CD59: variants seen among roughly 807,000 people sequenced by gnomAD.
CD59 encodes CD59 glycoprotein.
Under a neutral mutation model 7.0 loss-of-function variants are expected in CD59, and 3 were observed. The observed-to-expected ratio is 0.43, with a 90% CI of 0.19 to 1.10. The LOEUF (loss-of-function observed/expected upper bound fraction) is 1.10, where lower values mean the gene tolerates loss of function less well. CD59 is among the 50% of genes least tolerant of loss of function. The pLI is 0.29. For missense variants in CD59, 143 were observed against 151.0 expected (o/e 0.95, Z 0.28); for synonymous variants, 60 against 62.0 (o/e 0.97, Z 0.15).
At position 33,707,397 on chromosome 11, in the gene CD59, T is replaced by G. The variant is rs1423085350; in HGVS notation, c.*2729A>C. 1 of 152,238 alleles carries G rather than the reference T, an allele frequency of 6.6e-6. No individual in the cohort carries two copies. The highest frequency in any genetic ancestry group is 1.5e-5 in the Non-Finnish European group (1 of 68,034). 9.4% of individuals were successfully genotyped at this position (152,238 alleles called of 1,614,324 possible). A position where few individuals can be genotyped will look rare whatever the true frequency, so the allele number is the denominator to read the frequency against. ...ACACAAGAAAAATATACCCATACCT[T>G]GAAGCCCCCAGTACATTCAAGACCA... On this transcript the variant is annotated 3_prime_UTR_variant, in exon 4 of 4. Transcript: ENST00000642928.
rs7046 is a variant in CD59, at chr11:33,705,434, A to C, written c.*4692T>G. On this transcript the variant is annotated 3_prime_UTR_variant, in exon 4 of 4. Coordinates refer to ENST00000642928, the MANE Select transcript of CD59 (RefSeq NM_000611.6). ...CGGTAGCCTCTTTGGTATGGCCACT[A>C]TGGTGGTAGACACTGTCTACCTTGT... 1 of 152,110 alleles carries C rather than the reference A, an allele frequency of 6.6e-6. No homozygotes were observed. Among genetic ancestry groups the C allele is most frequent in the Non-Finnish European group, 1.5e-5 (1 of 68,038 alleles). 9.4% of individuals were successfully genotyped at this position (152,110 alleles called of 1,614,324 possible).
chr11:33,735,672 C>CTT (rs1172551359), intron 1 of CD59, among the ~76,000 whole-genome samples: 1 of 152,164 alleles, frequency 6.6e-6, no homozygotes, highest in East Asian at 1.9e-4. Context: ...AATCCCAACA[C>CTT]TTTGGGAGGC....
intron 1 of CD59, among the ~76,000 whole-genome samples, chr11:33,732,349 A>T (rs1465244429): frequency 1.3e-5 from 2 of 152,040 alleles, no homozygotes; most frequent in African/African-American, 4.8e-5. Flanking sequence ...GAGCTTAGGA[A>T]ATCTGGTTGT....
intron 1 of CD59, among the ~76,000 whole-genome samples, chr11:33,726,023 G>A (rs531468970): frequency 2.6e-5 from 4 of 152,170 alleles, no homozygotes; most frequent in African/African-American, 9.6e-5. Flanking sequence ...GCACCTAGAC[G>A]CATAAAGCAA....
intron 3 of CD59, among the ~76,000 whole-genome samples, chr11:33,712,091 T>C (rs1853584710): frequency 6.6e-6 from 1 of 152,252 alleles, no homozygotes; most frequent in Non-Finnish European, 1.5e-5. Flanking sequence ...TTCGTTTATG[T>C]TTCTATTGAG....
Position 33,709,161 on chromosome 11 carries a change from G to A in CD59, c.*965C>T, listed in dbSNP as rs1406531199. 1 of 152,222 alleles carries A rather than the reference G, an allele frequency of 6.6e-6. No individual in the cohort carries two copies. Among genetic ancestry groups the A allele is most frequent in the Non-Finnish European group, 1.5e-5 (1 of 68,048 alleles). The allele number at this position is 152,222 out of a possible 1,614,324, so 9.4% of individuals were successfully genotyped here. A position where few individuals can be genotyped will look rare whatever the true frequency, so the allele number is the denominator to read the frequency against. On this transcript the variant is annotated 3_prime_UTR_variant, in exon 4 of 4. Coordinates refer to ENST00000642928, the MANE Select transcript of CD59 (RefSeq NM_000611.6). The stretch of plus-strand genomic sequence containing the variant: ...ATACAATCTATGCTGAGTCAGCTAG[G>A]AGTTAGCAGGAGGCTGGATGCAGAT...
chr11:33,734,822 TAAAG>T (rs1854518579), intron 1 of CD59, among the ~76,000 whole-genome samples: 2 of 152,212 alleles, frequency 1.3e-5, no homozygotes, highest in Admixed American at 6.5e-5. Flanking sequence ...CTGAGGTTCT[TAAAG>T]AGGTGGCCCA....
chr11:33,713,176 C>T (rs572506343), intron 3 of CD59, among the ~76,000 whole-genome samples: 137 of 152,106 alleles, frequency 9.0e-4, no homozygotes, highest in Middle Eastern at 3.4e-3. Flanking sequence ...TCAGAAAAAG[C>T]ATGTTAGGTG....
intron 3 of CD59, among the ~76,000 whole-genome samples, chr11:33,712,912 A>G (rs1359628979): frequency 6.6e-6 from 1 of 152,192 alleles, no homozygotes; most frequent in Non-Finnish European, 1.5e-5. Context: ...GTAATTTAAT[A>G]GTGTTATCAT....
chr11:33,709,945 C>A lies in CD59; in HGVS notation c.*181G>T. ...TCTTCCTTCAAGTGGGGCTTCCCTG[C>A]AAACAGGACTGGTCTTCAAAGTCTC... On this transcript the variant is annotated 3_prime_UTR_variant, in exon 4 of 4. Transcript: ENST00000642928. The A allele has an allele frequency of 3.1e-6, 2 of 649,234 alleles. No homozygotes were observed. Among genetic ancestry groups the A allele is most frequent in the South Asian group, 1.8e-5 (1 of 56,502 alleles). The allele number at this position is 649,234 out of a possible 1,614,324, so 40.2% of individuals were successfully genotyped here.
rs1472095852 is a variant in CD59, at chr11:33,704,893, C to G, written c.*5233G>C. The stretch of plus-strand genomic sequence containing the variant: ...GCTATTCTGGGAAGCCCAGAACAGT[C>G]TTTCCTTTATTATTCATCTCAATTA... On this transcript the variant is annotated 3_prime_UTR_variant, in exon 4 of 4. Transcript: ENST00000642928. 1 of 152,592 alleles carries G rather than the reference C, an allele frequency of 6.6e-6. No homozygotes were observed. 9.5% of individuals were successfully genotyped at this position (152,592 alleles called of 1,614,324 possible).
chr11:33,725,285 GAAAA>G (rs35899420), intron 1 of CD59, among the ~76,000 whole-genome samples: 4 of 86,470 alleles, frequency 4.6e-5, no homozygotes, highest in Non-Finnish European at 1.0e-4. Flanking sequence ...CCATTTTAAG[GAAAA>G]AAAAAAAAAA....
At position 33,716,927 on chromosome 11, in the gene CD59, C is replaced by G. The variant is rs75647779; in HGVS notation, c.169+443G>C. Among the ~76,000 whole-genome samples the G allele has an allele frequency of 7.1e-3, 1,084 of 152,328 alleles. 16 individuals are homozygous for G. The highest frequency in any genetic ancestry group is 0.024 in the African/African-American group (1,011 of 41,568). ...GAGGCATATATAATGACATTTAGGA[C>G]AGCCAAACAGGCCTTTGTCATAATT... On this transcript the variant is annotated intron_variant, in intron 3 of 3. Coordinates refer to ENST00000642928, the MANE Select transcript of CD59 (RefSeq NM_000611.6).
chr11:33,725,531 A>T (rs1854230402), intron 1 of CD59, among the ~76,000 whole-genome samples: 1 of 152,196 alleles, frequency 6.6e-6, no homozygotes, highest in Non-Finnish European at 1.5e-5. Flanking sequence ...AGAATGCACA[A>T]CTGAAAAATC....
chr11:33,722,832 A>C, intron 1 of CD59: 1 of 930,484 alleles, frequency 1.1e-6, no homozygotes, highest in Non-Finnish European at 1.4e-6. Context: ...GAGCCACAGC[A>C]CTAAGTGAAT....
rs1203466070 is a variant in CD59 at position 33,717,362 on chromosome 11, G to A, written c.169+8C>T. 7.0e-6 allele frequency: 11 copies of A among 1,578,906 alleles called. No homozygotes were observed. The East Asian group carries it at 2.2e-4, about 32-fold the overall frequency. ...TACATTTAGGAGACAGACAGGGGAG[G>A]CTCTTACCAGCTTTGGTAATGAGAC... On this transcript the variant is annotated splice_region_variant and intron_variant, in intron 3 of 3. Transcript: ENST00000642928.
chr11:33,703,866 T>C lies in CD59; in HGVS notation c.*6260A>G, dbSNP rs1213976860. Reference sequence around the variant, plus strand: ...CCTGTCCAGCATTCTTCACTCTCTATTTAACCGAGGCTGACTCATTGCAGT... The same window carrying C: ...CCTGTCCAGCATTCTTCACTCTCTACTTAACCGAGGCTGACTCATTGCAGT... On this transcript the variant is annotated 3_prime_UTR_variant, in exon 4 of 4. Coordinates refer to ENST00000642928, the MANE Select transcript of CD59 (RefSeq NM_000611.6). 1.3e-5 allele frequency: 2 copies of C among 152,272 alleles called. No individual in the cohort carries two copies. The highest frequency in any genetic ancestry group is 4.8e-5 in the African/African-American group (2 of 41,448). The allele number at this position is 152,272 out of a possible 1,614,324, so 9.4% of individuals were successfully genotyped here.
rs1014137242 is a variant in CD59, at chr11:33,708,891, G to C, written c.*1235C>G. The C allele has an allele frequency of 1.3e-5, 2 of 151,992 alleles. No homozygotes were observed. Among genetic ancestry groups the C allele is most frequent in the African/African-American group, 4.8e-5 (2 of 41,366 alleles). 9.4% of individuals were successfully genotyped at this position (151,992 alleles called of 1,614,324 possible). On this transcript the variant is annotated 3_prime_UTR_variant, in exon 4 of 4. Coordinates refer to ENST00000642928, the MANE Select transcript of CD59 (RefSeq NM_000611.6). ...GTTTGTCCAACAGAGTATAATCAAG[G>C]GTTTTTTTTCAACATTAATCAAGAA...
chr11:33,726,593 C>T (rs879555014), intron 1 of CD59, among the ~76,000 whole-genome samples: 5 of 152,164 alleles, frequency 3.3e-5, no homozygotes, highest in African/African-American at 7.2e-5. Flanking sequence ...CTAAAATTGA[C>T]ACCCTAACAT....
Sources: gnomAD v4.1 joint callset for allele counts (sites outside exome capture counted in the v4.1 genomes callset) on GRCh38, gnomAD v4.1.1 for gene constraint, MANE v1.5 for transcripts, NCBI Gene and HGNC (gene_info 2026-07-23, HGNC 2026-07-21) for gene names.